LRMDA: variants seen among roughly 807,000 people sequenced by gnomAD.
LRMDA encodes leucine-rich melanocyte differentiation-associated protein.
A neutral mutation model predicts 29.8 loss-of-function variants in LRMDA; 18 were observed. The observed-to-expected ratio is 0.60, with a 90% confidence interval of 0.42 to 0.90. The LOEUF is 0.90. Among genes scored for constraint, LRMDA ranks in the 40% least tolerant of loss-of-function variants. LRMDA has a pLI of 0.00. For synonymous variants in LRMDA, 125 were observed against 109.4 expected (o/e 1.14, Z -0.89); for missense variants, 273 against 273.9 (o/e 1.00, Z 0.02).
intron 2 of LRMDA, among the ~76,000 whole-genome samples, chr10:75,602,037 T>C (rs1472943524): frequency 1.3e-5 from 2 of 152,226 alleles, no homozygotes; most frequent in Admixed American, 6.5e-5. Flanking sequence ...GATTGAGTTA[T>C]TGTCAGCTTC....
At chr10:75,887,544 CTT>C (rs35154017) in intron 2 of LRMDA, among the ~76,000 whole-genome samples, 2 of 148,188 alleles carry the variant, frequency 1.3e-5, no homozygotes, top group East Asian at 3.9e-4. Context: ...CTGTTGCTAC[CTT>C]TTTTTTTTGT....
intron 2 of LRMDA, among the ~76,000 whole-genome samples, chr10:75,896,509 G>GGGCCTGT (rs1277735707): frequency 2.0e-5 from 3 of 152,136 alleles, no homozygotes; most frequent in African/African-American, 4.8e-5. Flanking sequence ...TGTGTCACAG[G>GGGCCTGT]GGCCTGTGGC....
intron 6 of LRMDA, among the ~76,000 whole-genome samples, chr10:76,329,936 A>AT (rs1414026376): frequency 1.3e-5 from 2 of 152,220 alleles, no homozygotes; most frequent in Non-Finnish European, 2.9e-5. Flanking sequence ...GCTTCAACTC[A>AT]TTAAATCGCC....
chr10:76,280,069 C>A (rs1227902086), intron 5 of LRMDA, among the ~76,000 whole-genome samples: 1 of 152,132 alleles, frequency 6.6e-6, no homozygotes. Flanking sequence ...CATTTAAGAT[C>A]ATTGTCAAGG....
At chr10:76,180,433 C>A (rs936990536) in intron 5 of LRMDA, among the ~76,000 whole-genome samples, 3 of 151,842 alleles carry the variant, frequency 2.0e-5, no homozygotes, top group Non-Finnish European at 4.4e-5. Context: ...GTGCCCGCCA[C>A]CACACCCGGC....
At chr10:76,471,017 A>G (rs1842612236) in intron 6 of LRMDA, among the ~76,000 whole-genome samples, 1 of 151,962 alleles carries the variant, frequency 6.6e-6, no homozygotes, top group South Asian at 2.1e-4. Flanking sequence ...TTGGGCTTAT[A>G]TGTAAATGTA....
chr10:76,417,922 T>C (rs1842033861), intron 6 of LRMDA, among the ~76,000 whole-genome samples: 1 of 152,184 alleles, frequency 6.6e-6, no homozygotes, highest in African/African-American at 2.4e-5. Context: ...AGACCTGACA[T>C]TCCTCACTGC....
intron 2 of LRMDA, among the ~76,000 whole-genome samples, chr10:75,456,808 T>C (rs551931086): frequency 4.8e-4 from 73 of 152,290 alleles, no homozygotes; most frequent in African/African-American, 1.7e-3. Context: ...CCCGAGTAGC[T>C]GGGATTACAG....
chr10:76,420,967 G>A (rs1461843906), intron 6 of LRMDA, among the ~76,000 whole-genome samples: 1 of 152,100 alleles, frequency 6.6e-6, no homozygotes, highest in Admixed American at 6.6e-5. Context: ...GTTCTCTGTT[G>A]TGCAATGTCT....
chr10:76,382,313 A>G (rs1445745697), intron 6 of LRMDA, among the ~76,000 whole-genome samples: 1 of 152,224 alleles, frequency 6.6e-6, no homozygotes, highest in Non-Finnish European at 1.5e-5. Context: ...ATAGGAATTC[A>G]GTGTCTAGTT....
At chr10:75,765,016 T>C (rs1029451851) in intron 2 of LRMDA, among the ~76,000 whole-genome samples, 27 of 151,890 alleles carry the variant, frequency 1.8e-4, no homozygotes, top group Non-Finnish European at 3.8e-4. Flanking sequence ...AGTTTAATAA[T>C]GTGACCTCTG....
chr10:76,380,068 A>G lies in LRMDA; in HGVS notation c.601+55583A>G, dbSNP rs554397574. On this transcript the variant is annotated intron_variant, in intron 6 of 6. Coordinates refer to ENST00000611255, the MANE Select transcript of LRMDA (RefSeq NM_001305581.2). The stretch of plus-strand genomic sequence containing the variant: ...TATAGTTTTATTCTACTGTGGTCCA[A>G]TAAAATACTTGGTATGAATTTGAGT... 4.6e-5 allele frequency among the ~76,000 whole-genome samples: 7 copies of G among 152,318 alleles called. No homozygotes were observed. The East Asian group carries it at 1.2e-3, about 25-fold the overall frequency.
chr10:76,261,699 G>C (rs943923774), intron 5 of LRMDA, among the ~76,000 whole-genome samples: 15 of 152,184 alleles, frequency 9.9e-5, no homozygotes, highest in Non-Finnish European at 2.1e-4. Flanking sequence ...GGGTCTGCAA[G>C]TTGAACTTTA....
chr10:76,313,169 A>G (rs1840650083), intron 5 of LRMDA, among the ~76,000 whole-genome samples: 1 of 152,152 alleles, frequency 6.6e-6, no homozygotes, highest in African/African-American at 2.4e-5. Flanking sequence ...TTGTCAGGGG[A>G]CTTAATTTCT....
chr10:75,870,627 C>T (rs2132331570), intron 2 of LRMDA, among the ~76,000 whole-genome samples: 1 of 152,310 alleles, frequency 6.6e-6, no homozygotes, highest in East Asian at 1.9e-4. Flanking sequence ...CTCTGCAGCA[C>T]CTCCCACTGT....
chr10:76,347,286 G>A (rs1430437568), intron 6 of LRMDA, among the ~76,000 whole-genome samples: 16 of 152,060 alleles, frequency 1.1e-4, no homozygotes, highest in Non-Finnish European at 2.2e-4. Context: ...AATACATGAT[G>A]CAGCTTCTCT....
intron 6 of LRMDA, among the ~76,000 whole-genome samples, chr10:76,371,051 T>G (rs1227441808): frequency 6.6e-6 from 1 of 152,230 alleles, no homozygotes; most frequent in Non-Finnish European, 1.5e-5. Flanking sequence ...AATCAACTGG[T>G]CGCACATTCC....
intron 2 of LRMDA, among the ~76,000 whole-genome samples, chr10:75,813,775 G>T (rs1844007032): frequency 6.6e-6 from 1 of 152,204 alleles, no homozygotes; most frequent in South Asian, 2.1e-4. Context: ...TTGGTTGGAA[G>T]ACAGGGTTAT....
chr10:76,248,456 A>G (rs1192183518), intron 5 of LRMDA, among the ~76,000 whole-genome samples: 2 of 152,196 alleles, frequency 1.3e-5, no homozygotes, highest in African/African-American at 4.8e-5. Flanking sequence ...GTCTCTGAAG[A>G]GTCCGTCAAA....
Sources: allele counts gnomAD v4.1 joint callset (sites outside exome capture counted in the v4.1 genomes callset), GRCh38; gene constraint gnomAD v4.1.1; transcripts MANE v1.5; gene names NCBI Gene and HGNC (gene_info 2026-07-23, HGNC 2026-07-21).